NPAS3: variants seen among roughly 807,000 people sequenced by gnomAD.
The protein encoded by NPAS3 is neuronal PAS domain-containing protein 3.
In NPAS3, 14 loss-of-function variants were observed where a neutral mutation model predicts 73.1. That is an observed-to-expected ratio of 0.19 (90% CI 0.13 to 0.30). The LOEUF (loss-of-function observed/expected upper bound fraction) is 0.30, where lower values mean the gene tolerates loss of function less well. Ranked by LOEUF, NPAS3 falls within the 10% of genes least tolerant of loss-of-function variation. The probability of loss-of-function intolerance (pLI) is 1.00; values close to 1 mark genes in which losing one functional copy is unlikely to be tolerated. For missense variants in NPAS3, 1,096 were observed against 1,250.0 expected (o/e 0.88, Z 1.86); for synonymous variants, 620 against 541.5 (o/e 1.14, Z -2.01).
intron 3 of NPAS3, among the ~76,000 whole-genome samples, chr14:33,258,162 C>A (rs61972693): frequency 6.6e-6 from 1 of 151,966 alleles, no homozygotes; most frequent in African/African-American, 2.4e-5. Flanking sequence ...TTTGGCAGGC[C>A]GAGGTGGGCA....
chr14:33,231,338 C>G (rs1363204933), intron 3 of NPAS3, among the ~76,000 whole-genome samples: 2 of 152,040 alleles, frequency 1.3e-5, no homozygotes, highest in African/African-American at 4.8e-5. Flanking sequence ...ATATTTTTAA[C>G]GTTTAATTTT....
At chr14:33,534,337 C>T (rs17101488) in intron 4 of NPAS3, among the ~76,000 whole-genome samples, 2,623 of 152,090 alleles carry the variant, frequency 0.017, 97 homozygotes, top group African/African-American at 0.06. Flanking sequence ...CCAGAATGGG[C>T]CTGATTTGTA....
intron 4 of NPAS3, among the ~76,000 whole-genome samples, chr14:33,538,611 T>C (rs979706149): frequency 6.6e-6 from 1 of 152,232 alleles, no homozygotes; most frequent in Non-Finnish European, 1.5e-5. Context: ...TTAGGACTTA[T>C]GAGAATTATT....
chr14:33,313,033 C>T (rs560401367), intron 3 of NPAS3, among the ~76,000 whole-genome samples: 1 of 151,964 alleles, frequency 6.6e-6, no homozygotes, highest in African/African-American at 2.4e-5. Flanking sequence ...GAAATGAGCT[C>T]ATGAAAATGC....
intron 4 of NPAS3, among the ~76,000 whole-genome samples, chr14:33,402,143 C>T (rs1038523179): frequency 6.6e-5 from 10 of 152,026 alleles, no homozygotes; most frequent in Non-Finnish European, 1.3e-4. Context: ...GTCTGATTTA[C>T]ATATCTCATG....
intron 2 of NPAS3, among the ~76,000 whole-genome samples, chr14:33,149,292 A>G (rs921978994): frequency 6.6e-5 from 10 of 152,364 alleles, no homozygotes; most frequent in African/African-American, 2.4e-4. Context: ...CGAAGTGTTC[A>G]TCATTCCTGT....
intron 5 of NPAS3, among the ~76,000 whole-genome samples, chr14:33,663,694 G>A (rs1056125758): frequency 3.9e-5 from 6 of 152,016 alleles, no homozygotes; most frequent in Non-Finnish European, 7.4e-5. Context: ...TTGGTTGGTA[G>A]GCTATTAATT....
chr14:33,122,943 C>T (rs180786738), intron 2 of NPAS3, among the ~76,000 whole-genome samples: 4 of 151,878 alleles, frequency 2.6e-5, no homozygotes, highest in African/African-American at 9.7e-5. Flanking sequence ...TCAGTTAAGT[C>T]GAAAATAAAA....
intron 3 of NPAS3, among the ~76,000 whole-genome samples, chr14:33,237,032 G>A (rs1385541859): frequency 6.6e-6 from 1 of 151,974 alleles, no homozygotes; most frequent in African/African-American, 2.4e-5. Context: ...GTTTTCAGTG[G>A]CTTTTAGGAA....
chr14:33,260,287 T>C (rs2048926339), intron 3 of NPAS3, among the ~76,000 whole-genome samples: 1 of 152,150 alleles, frequency 6.6e-6, no homozygotes. Flanking sequence ...CTTAGATGAG[T>C]TAAACACATC....
chr14:33,166,043 C>G (rs2045128577), intron 2 of NPAS3, among the ~76,000 whole-genome samples: 1 of 152,202 alleles, frequency 6.6e-6, no homozygotes, highest in Admixed American at 6.5e-5. Flanking sequence ...AGTCTGTGGT[C>G]TCCCCACCAT....
At position 33,634,660 on chromosome 14, in the gene NPAS3, G is replaced by C. The variant is rs2058466871; in HGVS notation, c.559-41551G>C. ...GGGAGGTACTTTTCTCCAAGGTAGT[G>C]AATTTAGTTGGGGGAATAGGTTTGG... On this transcript the variant is annotated intron_variant, in intron 5 of 11. Coordinates refer to ENST00000356141, the Ensembl canonical transcript of NPAS3. Among the ~76,000 whole-genome samples, 6 of 152,320 alleles carry C rather than the reference G, an allele frequency of 3.9e-5. No individual in the cohort carries two copies. The South Asian group carries it at 1.2e-3, about 32-fold the overall frequency.
intron 5 of NPAS3, among the ~76,000 whole-genome samples, chr14:33,654,456 G>C (rs540896946): frequency 6.6e-6 from 1 of 152,174 alleles, no homozygotes; most frequent in South Asian, 2.1e-4. Context: ...GGGACCACCA[G>C]GTAGATATTT....
chr14:33,121,026 A>T (rs909486255), intron 2 of NPAS3, among the ~76,000 whole-genome samples: 7 of 152,076 alleles, frequency 4.6e-5, no homozygotes, highest in Admixed American at 1.3e-4. Flanking sequence ...AGTAGCCACT[A>T]CATTACTCAG....
chr14:33,736,115 G>C (rs1273639898), intron 7 of NPAS3, among the ~76,000 whole-genome samples: 2 of 152,174 alleles, frequency 1.3e-5, no homozygotes, highest in African/African-American at 4.8e-5. Context: ...GAGGGCAAAC[G>C]GAAATGGCAT....
chr14:33,372,007 C>T (rs1369452474), intron 4 of NPAS3, among the ~76,000 whole-genome samples: 2 of 151,986 alleles, frequency 1.3e-5, no homozygotes, highest in Non-Finnish European at 2.9e-5. Context: ...AGGGTCATAG[C>T]ACTGCAAAAA....
At position 33,800,064 on chromosome 14, in the gene NPAS3, C is replaced by G; in HGVS notation, c.1757C>G (p.Ala586Gly). ...GACAGCGCCAAGGACTCGGACAGCG[C>G]AGGCGAGGCGGGCGCGCAGGCCTCC... Residue 586 changes from alanine (A) to glycine (G), a missense_variant, in exon 12 of 12, where the codon GCA becomes GGA. This residue lies in a region of NPAS3 where 698 missense variants were observed against 676.7 expected (regional missense o/e 1.03). Coordinates refer to ENST00000356141, the Ensembl canonical transcript of NPAS3. This position sits in a 1 kb window ranked among gnomAD's most constrained non-coding sequence, Gnocchi z 6.5. 1 of 1,603,868 alleles carries G rather than the reference C, an allele frequency of 6.2e-7. No homozygotes were observed.
Position 33,039,306 on chromosome 14 carries a change from T to C in NPAS3, c.51-16599T>C, listed in dbSNP as rs562680136. Among the ~76,000 whole-genome samples the C allele has an allele frequency of 4.6e-5, 7 of 152,318 alleles. No homozygotes were observed. The East Asian group carries it at 1.4e-3, about 29-fold the overall frequency. ...GTTACATTTTTTTAAAGATACATTCTTGCTACCAATAGAGGCCTAATTTCC... is the reference window on the plus strand; with the variant it reads ...GTTACATTTTTTTAAAGATACATTCCTGCTACCAATAGAGGCCTAATTTCC... On this transcript the variant is annotated intron_variant, in intron 1 of 11. Transcript: ENST00000356141.
chr14:33,181,451 A>T (rs1457804960), intron 2 of NPAS3, among the ~76,000 whole-genome samples: 1 of 152,222 alleles, frequency 6.6e-6, no homozygotes, highest in Non-Finnish European at 1.5e-5. Flanking sequence ...GCATAGTGAG[A>T]TAGTGGGACA....
Sources: gnomAD v4.1 joint callset for allele counts (sites outside exome capture counted in the v4.1 genomes callset) on GRCh38, gnomAD v4.1.1 for gene constraint, gnomAD v4.1.1 regional missense constraint, Gnocchi (gnomAD v3.1) non-coding constraint, MANE v1.5 for transcripts, NCBI Gene and HGNC (gene_info 2026-07-23, HGNC 2026-07-21) for gene names.